The following TRIML2 variants were observed in gnomAD, a reference collection of about 807,000 sequenced individuals.
The protein encoded by TRIML2 is probable E3 ubiquitin-protein ligase TRIML2.
A neutral mutation model predicts 31.2 loss-of-function variants in TRIML2; 28 were observed. The ratio of observed to expected loss-of-function variants is 0.90; its 90% CI spans 0.66 to 1.23. The LOEUF is 1.23. Among genes scored for constraint, TRIML2 ranks in the 50% most tolerant of loss-of-function variants. TRIML2 has a pLI of 0.00. For synonymous variants in TRIML2, 187 were observed against 197.5 expected (o/e 0.95, Z 0.45); for missense variants, 536 against 528.3 (o/e 1.01, Z -0.14).
rs545865081 is a variant in TRIML2, at chr4:188,092,756, G to T, written c.746-815C>A. The T allele has an allele frequency of 2.9e-5, 13 of 454,626 alleles. 1 individual carries two copies. The highest frequency in any genetic ancestry group is 1.4e-4 in the African/African-American group (7 of 50,124). 28.2% of individuals were successfully genotyped at this position (454,626 alleles called of 1,614,324 possible). ...TCAGATAATTTATCAGCGGAGGATG[G>T]AACACCTGTGTGGACCCTCCAGAAA... On this transcript the variant is annotated intron_variant, in intron 7 of 7. Coordinates refer to ENST00000682553, the MANE Select transcript of TRIML2 (RefSeq NM_173553.4).
intron 4 of TRIML2, among the ~76,000 whole-genome samples, chr4:188,099,441 G>C (rs953322929): frequency 2.6e-5 from 4 of 152,042 alleles, no homozygotes; most frequent in African/African-American, 9.7e-5. Context: ...GCGGGTGCCT[G>C]TAATCCCAGC....
intron 4 of TRIML2, among the ~76,000 whole-genome samples, chr4:188,100,456 C>T (rs544091767): frequency 7.1e-4 from 108 of 152,314 alleles, no homozygotes; most frequent in Non-Finnish European, 2.2e-4. Context: ...GGCGCGGTGG[C>T]TCACGCCTGT....
In TRIML2 at chr4:188,091,687, C is replaced by T; in HGVS notation, c.1000G>A (p.Ala334Thr). The T allele has an allele frequency of 6.2e-7, 1 of 1,613,176 alleles. No homozygotes were observed. Among genetic ancestry groups the T allele is most frequent in the Non-Finnish European group, 8.5e-7 (1 of 1,179,204 alleles). Residue 334 changes from alanine to threonine, a missense_variant, in exon 8 of 8, where the codon GCT (alanine) becomes ACT (threonine). Transcript: ENST00000682553. ...GTGAGCAAGACTTTCTCTCCGGAAG[C>T]TCTGGCCGTGCTGCCCTTCGCGTCT... The part of the protein sequence containing the change: ...SADAKGSTAR[A>T]SGEKVLLTGS...
chr4:188,102,198 A>G (rs1733828276), intron 3 of TRIML2, among the ~76,000 whole-genome samples: 1 of 152,028 alleles, frequency 6.6e-6, no homozygotes, highest in Admixed American at 6.6e-5. Context: ...GCCTCTGTCA[A>G]ACAGAGGAGG....
intron 3 of TRIML2, among the ~76,000 whole-genome samples, 160 bp downstream of exon 3, chr4:188,104,677 A>G (rs1365303714): frequency 6.6e-6 from 1 of 152,140 alleles, no homozygotes; most frequent in African/African-American, 2.4e-5. Flanking sequence ...ACTGACTTTA[A>G]AGAGCTTTTT....
In TRIML2 at chr4:188,091,792, A is replaced by C; in HGVS notation, c.895T>G (p.Phe299Val). 1 of 1,614,118 alleles carries C rather than the reference A, an allele frequency of 6.2e-7. No homozygotes were observed. The highest frequency in any genetic ancestry group is 1.1e-5 in the South Asian group (1 of 91,078). The change falls in exon 8 of 8, where the codon TTC (phenylalanine) becomes GTC (valine). Residue 299 changes from phenylalanine (F) to valine (V), a missense_variant. Transcript: ENST00000682553. ...FSAMVLAAES[F>V]TSGRHYWEVD... is the part of the protein sequence containing the mutation. The stretch of plus-strand genomic sequence containing the variant: ...TCCCAGTAGTGCCTCCCTGAGGTGA[A>C]GCTCTCCGCAGCCAGCACCATGGCA...
intron 3 of TRIML2, among the ~76,000 whole-genome samples, chr4:188,104,310 C>T (rs1270162614): frequency 6.6e-6 from 1 of 152,112 alleles, no homozygotes; most frequent in African/African-American, 2.4e-5. Context: ...TCTGCAAACT[C>T]TTATTTGATC....
chr4:188,104,809 C>T (rs768464263), intron 3 of TRIML2, 28 bp downstream of exon 3: 6 of 1,556,986 alleles, frequency 3.9e-6, no homozygotes, highest in South Asian at 1.1e-5. Flanking sequence ...TAATTTCCCC[C>T]CAAGAATCAA....
At chr4:188,107,258 T>C (rs539756028) in intron 1 of TRIML2, among the ~76,000 whole-genome samples, 83 of 152,288 alleles carry the variant, frequency 5.5e-4, no homozygotes, top group South Asian at 1.2e-3. Context: ...TCAGGTTATC[T>C]GCCCGCCTCA....
rs147971195 is a variant in TRIML2 at position 188,091,707 on chromosome 4, G to A, written c.980C>T (p.Ala327Val). Residue 327 changes from alanine to valine, a missense_variant, in exon 8 of 8, where the codon GCG (alanine) becomes GTG (valine). By Grantham distance (64) the Ala-to-Val change is moderately conservative (BLOSUM62 0). Transcript: ENST00000682553. ...GGAAGCTCTGGCCGTGCTGCCCTTC[G>A]CGTCTGCAGAGCCGTGGTATATGCC... ...QVGIYHGSAD[A>V]KGSTARASGE... The A allele has an allele frequency of 5.2e-3, 8,377 of 1,613,344 alleles. 368 individuals carry two copies. The Admixed American group carries it at 0.093, about 18-fold the overall frequency.
Position 188,097,073 on chromosome 4 carries a change from T to G in TRIML2, c.733A>C (p.Arg245=). Residue 245 remains arginine, a synonymous_variant, in exon 7 of 8, where the codon AGA becomes CGA. Transcript: ENST00000682553. ...CHIRGLSSMF[R]VLQRHLTLDP... ...TGTGTCAACTTACTCTGGAGTACTC[T>G]GAACATGCTGCTGAGTCCTCTTATG... The G allele has an allele frequency of 6.2e-7, 1 of 1,612,834 alleles. No individual in the cohort carries two copies. The highest frequency in any genetic ancestry group is 8.5e-7 in the Non-Finnish European group (1 of 1,178,828).
At position 188,109,430 on chromosome 4, in the gene TRIML2, A is replaced by G. The variant is rs550303153; in HGVS notation, c.-410T>C. The G allele has an allele frequency of 7.9e-5, 12 of 151,418 alleles. No homozygotes were observed. The highest frequency in any genetic ancestry group is 1.5e-4 in the Non-Finnish European group (10 of 67,880). The allele number at this position is 151,418 out of a possible 1,614,324, so 9.4% of individuals were successfully genotyped here. The stretch of plus-strand genomic sequence containing the variant: ...TAGCTGGGATTACAGGCGCTGCACG[A>G]CCACACCCGGCTAATTTTTGTATTT... On this transcript the variant is annotated 5_prime_UTR_variant, in exon 1 of 8. Coordinates refer to ENST00000682553, the MANE Select transcript of TRIML2 (RefSeq NM_173553.4).
chr4:188,108,314 A>G (rs1734124638), intron 1 of TRIML2, among the ~76,000 whole-genome samples: 1 of 152,112 alleles, frequency 6.6e-6, no homozygotes. Flanking sequence ...TCTAAGGAGC[A>G]CTCAAAATTA....
At position 188,091,480 on chromosome 4, in the gene TRIML2, C is replaced by T. The variant is rs768568485; in HGVS notation, c.1207G>A (p.Ala403Thr). Residue 403 changes from alanine to threonine, a missense_variant, in exon 8 of 8, where the codon GCT (alanine) becomes ACT (threonine). Physicochemically the swap from Ala to Thr is moderately conservative, Grantham distance 58 (BLOSUM62 0). Transcript: ENST00000682553. ...CAGAGGGAAAACACAGGCCTGAGAG[C>T]TCCTTGGAAGGCGCAATGGGAGAAA... Reference protein sequence around the residue: ...YNFSHCAFQGALRPVFSLCIP... With the variant: ...YNFSHCAFQGTLRPVFSLCIP... 1 of 1,614,124 alleles carries T rather than the reference C, an allele frequency of 6.2e-7. No homozygotes were observed. Among genetic ancestry groups the T allele is most frequent in the Non-Finnish European group, 8.5e-7 (1 of 1,180,032 alleles).
Position 188,091,663 on chromosome 4 carries a change from T to C in TRIML2, c.1024A>G (p.Thr342Ala), listed in dbSNP as rs1733263523. The C allele has an allele frequency of 6.2e-7, 1 of 1,613,278 alleles. No homozygotes were observed. Among genetic ancestry groups the C allele is most frequent in the South Asian group, 1.1e-5 (1 of 91,076 alleles). ...ARASGEKVLL[T>A]GSVMGTEWTL... ...CACTCGGTCCCCATCACCGACCCCGTGAGCAAGACTTTCTCTCCGGAAGCT... is the reference window on the plus strand; with the variant it reads ...CACTCGGTCCCCATCACCGACCCCGCGAGCAAGACTTTCTCTCCGGAAGCT... Residue 342 changes from threonine (T) to alanine (A), a missense_variant, in exon 8 of 8, where the codon ACG (threonine) becomes GCG (alanine). By Grantham distance (58) the Thr-to-Ala change is moderately conservative. Coordinates refer to ENST00000682553, the MANE Select transcript of TRIML2 (RefSeq NM_173553.4).
At chr4:188,093,401 C>T (rs372679163) in intron 7 of TRIML2, among the ~76,000 whole-genome samples, 8 of 152,180 alleles carry the variant, frequency 5.3e-5, no homozygotes, top group African/African-American at 1.4e-4. Context: ...TGGCTGGGCA[C>T]GGTGGCTCAC....
Position 188,091,887 on chromosome 4 carries a change from T to C in TRIML2, c.800A>G (p.Asp267Gly). 1 of 1,613,822 alleles carries C rather than the reference T, an allele frequency of 6.2e-7. No homozygotes were observed. The highest frequency in any genetic ancestry group is 1.1e-5 in the South Asian group (1 of 91,076). The change falls in exon 8 of 8, where the codon GAC (aspartate) becomes GGC (glycine). Residue 267 changes from aspartate (D) to glycine (G), a missense_variant. Physicochemically the swap from Asp to Gly is moderately conservative, Grantham distance 94. Coordinates refer to ENST00000682553, the MANE Select transcript of TRIML2 (RefSeq NM_173553.4). Reference sequence around the variant, plus strand: ...ATGTCTCAATCTCATAGTTCTCAGGTCCTCAGATAGTGCCAGGCAGGGATG... The same window carrying C: ...ATGTCTCAATCTCATAGTTCTCAGGCCCTCAGATAGTGCCAGGCAGGGATG... The part of the protein sequence containing the change: ...TAHPCLALSE[D>G]LRTMRLRHGQ...
chr4:188,099,137 C>T lies in TRIML2; in HGVS notation c.519G>A (p.Leu173=), dbSNP rs931842135. 6.2e-7 allele frequency: 1 copy of T among 1,613,552 alleles called. No individual in the cohort carries two copies. Among genetic ancestry groups the T allele is most frequent in the Non-Finnish European group, 8.5e-7 (1 of 1,179,802 alleles). Residue 173 remains leucine (L), a synonymous_variant, in exon 5 of 8, where the codon CTG becomes CTA. Coordinates refer to ENST00000682553, the MANE Select transcript of TRIML2 (RefSeq NM_173553.4). ...CAGAAGCCCTGGCTTCACTCTCCTTCAGTTTCTCCATGTTCTCTCTCCCCA... is the reference window on the plus strand; with the variant it reads ...CAGAAGCCCTGGCTTCACTCTCCTTTAGTTTCTCCATGTTCTCTCTCCCCA... ...GRVGRENMEK[L]KESEARASEQ... is the part of the protein sequence containing the mutation.
At chr4:188,094,553 A>C (rs549448113) in intron 7 of TRIML2, among the ~76,000 whole-genome samples, 6 of 152,338 alleles carry the variant, frequency 3.9e-5, no homozygotes, top group Non-Finnish European at 8.8e-5. Flanking sequence ...TGTAAAAAAC[A>C]TAAAATACTT....
Sources: gnomAD v4.1 joint callset for allele counts (sites outside exome capture counted in the v4.1 genomes callset) on GRCh38, gnomAD v4.1.1 for gene constraint, MANE v1.5 for transcripts, NCBI Gene and HGNC (gene_info 2026-07-23, HGNC 2026-07-21) for gene names.